CACNA1D: variants seen among roughly 807,000 people sequenced by gnomAD.
The protein encoded by CACNA1D is calcium voltage-gated channel subunit alpha1 D.
In CACNA1D, 55 loss-of-function variants were observed where a neutral mutation model predicts 257.1. The observed-to-expected ratio is 0.21, with a 90% CI of 0.17 to 0.27. The LOEUF is 0.27. Among genes scored for constraint, CACNA1D ranks in the 10% least tolerant of loss-of-function variants. The pLI, the probability that CACNA1D is intolerant of heterozygous loss-of-function variation, is 1.00. For synonymous variants in CACNA1D, 980 were observed against 1,014.9 expected, an observed-to-expected ratio of 0.97 and a Z score of 0.65; for missense variants, 1,876 against 2,784.0, an observed-to-expected ratio of 0.67 and a Z score of 7.34.
At chr3:53,649,559 G>A (rs943525781) in intron 3 of CACNA1D, among the ~76,000 whole-genome samples, 6 of 151,954 alleles carry the variant, frequency 3.9e-5, no homozygotes, top group Non-Finnish European at 5.9e-5. Context: ...CTAAATGACA[G>A]GTACCATAGT....
chr3:53,577,657 A>G (rs2093061186), intron 3 of CACNA1D, among the ~76,000 whole-genome samples: 2 of 152,100 alleles, frequency 1.3e-5, no homozygotes, highest in Non-Finnish European at 2.9e-5. Context: ...GGTTCTCACC[A>G]GGGGAAGTGG....
At chr3:53,555,435 TGG>T (rs1421353273) in intron 3 of CACNA1D, among the ~76,000 whole-genome samples, 2 of 96,260 alleles carry the variant, frequency 2.1e-5, no homozygotes, top group African/African-American at 8.8e-5. Context: ...CTTTTTCTGG[TGG>T]GTGTGTGTGT....
At chr3:53,522,027 C>T (rs1197388367) in intron 3 of CACNA1D, among the ~76,000 whole-genome samples, 1 of 151,660 alleles carries the variant, frequency 6.6e-6, no homozygotes, top group Non-Finnish European at 1.5e-5. Context: ...AGCTAGCTAC[C>T]CAGGAGGCTG....
intron 8 of CACNA1D, among the ~76,000 whole-genome samples, chr3:53,688,265 G>A (rs2094490692): frequency 6.6e-6 from 1 of 152,212 alleles, no homozygotes; most frequent in African/African-American, 2.4e-5. Context: ...TGCCACCCTG[G>A]CCTGTGGGGT....
At chr3:53,502,135 G>A (rs1025974034) in intron 3 of CACNA1D, among the ~76,000 whole-genome samples, 7 of 150,600 alleles carry the variant, frequency 4.6e-5, no homozygotes, top group Admixed American at 6.6e-5. Flanking sequence ...GAGAATTATC[G>A]TAGACTTTGT....
At chr3:53,630,666 C>T (rs1027175250) in intron 3 of CACNA1D, among the ~76,000 whole-genome samples, 1 of 152,112 alleles carries the variant, frequency 6.6e-6, no homozygotes, top group Admixed American at 6.5e-5. Flanking sequence ...CCAGAGGGAA[C>T]AAAGAATGCC....
At chr3:53,574,061 TGGA>T (rs1286638049) in intron 3 of CACNA1D, among the ~76,000 whole-genome samples, 2 of 152,198 alleles carry the variant, frequency 1.3e-5, no homozygotes, top group Non-Finnish European at 2.9e-5. Flanking sequence ...CACTGTGCTC[TGGA>T]GGAGGAAGGG....
At chr3:53,609,886 G>A (rs1346344598) in intron 3 of CACNA1D, among the ~76,000 whole-genome samples, 1 of 152,048 alleles carries the variant, frequency 6.6e-6, no homozygotes. Context: ...CGGAATATTG[G>A]CTATACATTT....
intron 9 of CACNA1D, among the ~76,000 whole-genome samples, chr3:53,703,104 G>A (rs539371029): frequency 2.6e-4 from 39 of 152,298 alleles, no homozygotes; most frequent in African/African-American, 7.7e-4. Flanking sequence ...ATTTCTGTGC[G>A]GGCACAGGGG....
intron 37 of CACNA1D, among the ~76,000 whole-genome samples, chr3:53,778,813 A>G (rs2095411288): frequency 6.6e-6 from 1 of 152,226 alleles, no homozygotes; most frequent in Admixed American, 6.5e-5. Context: ...CTGAAAGACC[A>G]AAGCCTGGGA....
At chr3:53,779,836 T>A (rs1013130128) in intron 37 of CACNA1D, among the ~76,000 whole-genome samples, 190 bp from the exon 38 acceptor site, 1 of 152,116 alleles carries the variant, frequency 6.6e-6, no homozygotes, top group Non-Finnish European at 1.5e-5. Context: ...TTAACCAAAT[T>A]GGCATCTCGT....
intron 39 of CACNA1D, chr3:53,782,264 G>GTGTGTGTGTATATATATATATA (rs6147823): frequency 5.3e-5 from 4 of 75,446 alleles, no homozygotes; most frequent in Non-Finnish European, 6.7e-5. Context: ...GTGTGTGTGT[G>GTGTGTGTGTATATATATATATA]TATATATATA....
chr3:53,572,503 G>A (rs1485173486), intron 3 of CACNA1D, among the ~76,000 whole-genome samples: 6 of 151,974 alleles, frequency 3.9e-5, no homozygotes, highest in Admixed American at 6.6e-5. Context: ...AGGCTCAAGC[G>A]ATTCTCCCAC....
At chr3:53,795,881 T>C (rs59904672) in intron 40 of CACNA1D, among the ~76,000 whole-genome samples, 8,361 of 152,228 alleles carry the variant, frequency 0.055, 567 homozygotes, top group African/African-American at 0.16. Flanking sequence ...TAGGGGAGCT[T>C]GTGGGGGTCA....
intron 3 of CACNA1D, among the ~76,000 whole-genome samples, chr3:53,570,074 C>T (rs1271081846): frequency 2.6e-5 from 4 of 152,132 alleles, no homozygotes; most frequent in Non-Finnish European, 4.4e-5. Flanking sequence ...GTAATTATTC[C>T]TTTTAAATAC....
chr3:53,538,095 A>G (rs2092167762), intron 3 of CACNA1D, among the ~76,000 whole-genome samples: 1 of 112,276 alleles, frequency 8.9e-6, no homozygotes. Flanking sequence ...TGTGACATTT[A>G]TTGGCTTAAA....
Position 53,811,500 on chromosome 3 carries a change from T to C in CACNA1D, c.*94T>C. On this transcript the variant is annotated 3_prime_UTR_variant, in exon 48 of 48. Transcript: ENST00000350061. The surrounding 1 kb of genome is among the most constrained non-coding windows in gnomAD (Gnocchi z 4.2). The stretch of plus-strand genomic sequence containing the variant: ...ATAGTTAGGAAAGTTTAGGCACTAG[T>C]TGGGAGTAATATTCAATTAATTAGA... 1 of 984,466 alleles carries C rather than the reference T, an allele frequency of 1.0e-6. No homozygotes were observed. 61.0% of individuals were successfully genotyped at this position (984,466 alleles called of 1,614,324 possible). A position where few individuals can be genotyped will look rare whatever the true frequency, so the allele number is the denominator to read the frequency against.
chr3:53,809,886 A>C, intron 46 of CACNA1D, 92 bp from the exon 47 acceptor site: 1 of 1,183,330 alleles, frequency 8.5e-7, no homozygotes, highest in Non-Finnish European at 1.3e-6. Context: ...GCCCCTGGCG[A>C]GCGCAGCGCC....
At chr3:53,581,799 G>A (rs1438190633) in intron 3 of CACNA1D, among the ~76,000 whole-genome samples, 1 of 152,172 alleles carries the variant, frequency 6.6e-6, no homozygotes, top group Non-Finnish European at 1.5e-5. Context: ...AATAAGTTAA[G>A]AGGCACATGC....
Sources: gnomAD v4.1 joint callset for allele counts (sites outside exome capture counted in the v4.1 genomes callset) on GRCh38, gnomAD v4.1.1 for gene constraint, Gnocchi (gnomAD v3.1) non-coding constraint, MANE v1.5 for transcripts, NCBI Gene and HGNC (gene_info 2026-07-23, HGNC 2026-07-21) for gene names.